ACAN: variants seen among roughly 807,000 people sequenced by gnomAD.
ACAN encodes aggrecan.
Under a neutral mutation model 169.1 loss-of-function variants are expected in ACAN, and 47 were observed. That is an observed-to-expected ratio of 0.28 (90% CI 0.22 to 0.35). The LOEUF is 0.35. ACAN is among the 10% of genes least tolerant of loss of function. ACAN has a pLI of 1.00. For missense variants in ACAN, 2,716 were observed against 2,759.9 expected, an observed-to-expected ratio of 0.98 and a Z score of 0.36; for synonymous variants, 1,115 against 1,112.2, an observed-to-expected ratio of 1.00 and a Z score of -0.05.
At chr15:88,853,663 T>G (rs918494321) in intron 11 of ACAN, among the ~76,000 whole-genome samples, 4 of 152,020 alleles carry the variant, frequency 2.6e-5, no homozygotes, top group Non-Finnish European at 4.4e-5. Flanking sequence ...AAATGTAAAT[T>G]TATTGAAGAG....
chr15:88,835,235 A>C (rs1241145373), intron 1 of ACAN, among the ~76,000 whole-genome samples: 1 of 152,138 alleles, frequency 6.6e-6, no homozygotes, highest in African/African-American at 2.4e-5. Context: ...ATTCTAAAAC[A>C]CACGTGATCT....
At chr15:88,811,220 C>T (rs1895812937) in intron 1 of ACAN, among the ~76,000 whole-genome samples, 1 of 152,216 alleles carries the variant, frequency 6.6e-6, no homozygotes, top group Non-Finnish European at 1.5e-5. Context: ...CCCTGCAGGG[C>T]TTCTCAAAAT....
In ACAN at chr15:88,858,243, G is replaced by A. The variant is rs1398880481; in HGVS notation, c.5658G>A (p.Gly1886=). ...GQFSGTVDSS[G]FTSQTPEFSG... ...TTTCTGGAACAGTCGATTCCAGTGG[G>A]TTTACATCCCAGACTCCGGAATTCA... The change falls in exon 12 of 19, where the codon GGG becomes GGA. Residue 1886 remains glycine, a synonymous_variant. Transcript: ENST00000560601. This position sits in a 1 kb window ranked among gnomAD's most constrained non-coding sequence, Gnocchi z 4.0. The A allele has an allele frequency of 1.2e-6, 2 of 1,613,848 alleles. No individual in the cohort carries two copies. The highest frequency in any genetic ancestry group is 2.7e-5 in the African/African-American group (2 of 74,928).
chr15:88,860,141 G>A (rs1261552176), intron 12 of ACAN, among the ~76,000 whole-genome samples, 185 bp from the exon 13 acceptor site: 2 of 136,982 alleles, frequency 1.5e-5, no homozygotes, highest in Non-Finnish European at 1.5e-5. Context: ...AGCTTTCACA[G>A]CTAGAGAGCT....
rs1353713366 is a variant in ACAN at position 88,856,942 on chromosome 15, T to C, written c.4357T>C (p.Ser1453Pro). ...AGTAGAGGAGATCAGCGGGCTTCCT[T>C]CTGGAGAAGTTCTAGAGACTTCTAC... is the stretch of plus-strand genomic sequence containing the variant. ...PGVEEISGLP[S>P]GEVLETSTSA... Residue 1453 changes from serine (S) to proline (P), a missense_variant, in exon 12 of 19, where the codon TCT becomes CCT. Coordinates refer to ENST00000560601, the MANE Select transcript of ACAN (RefSeq NM_001369268.1). 2 of 1,613,084 alleles carry C rather than the reference T, an allele frequency of 1.2e-6. No individual in the cohort carries two copies. Among genetic ancestry groups the C allele is most frequent in the African/African-American group, 2.7e-5 (2 of 74,714 alleles).
At chr15:88,829,976 A>G (rs12916173) in intron 1 of ACAN, among the ~76,000 whole-genome samples, 94,224 of 151,762 alleles carry the variant, frequency 0.62, 29,586 homozygotes, top group Middle Eastern at 0.73. Flanking sequence ...CAGTGTGTAG[A>G]AAGTCATAGC....
In ACAN at chr15:88,838,792, C is replaced by T. The variant is rs969717268; in HGVS notation, c.200C>T (p.Ala67Val). The change falls in exon 3 of 19, where the codon GCC becomes GTC. Residue 67 changes from alanine to valine, a missense_variant. Ala to Val is a moderately conservative substitution (Grantham distance 64). Coordinates refer to ENST00000560601, the MANE Select transcript of ACAN (RefSeq NM_001369268.1). The surrounding 1 kb of genome is among the most constrained non-coding windows in gnomAD (Gnocchi z 5.1). ...CCTGTGACCACCGCCCCTTCTACCG[C>T]CCCACTGGCCCCAAGAATCAAGTGG... The part of the protein sequence containing the change: ...MHPVTTAPST[A>V]PLAPRIKWSR... 2 of 1,614,044 alleles carry T rather than the reference C, an allele frequency of 1.2e-6. No homozygotes were observed. The highest frequency in any genetic ancestry group is 1.7e-6 in the Non-Finnish European group (2 of 1,179,906).
At chr15:88,840,385 C>T (rs764992606) in intron 4 of ACAN, among the ~76,000 whole-genome samples, 199 bp downstream of exon 4, 7 of 152,190 alleles carry the variant, frequency 4.6e-5, no homozygotes, top group South Asian at 4.1e-4. Context: ...TTGTGATTCT[C>T]TCTTGCAAAT....
Position 88,857,402 on chromosome 15 carries a change from T to C in ACAN, c.4817T>C (p.Leu1606Ser). 1 of 1,613,944 alleles carries C rather than the reference T, an allele frequency of 6.2e-7. No homozygotes were observed. The highest frequency in any genetic ancestry group is 8.5e-7 in the Non-Finnish European group (1 of 1,179,904). ...GGGTCAGCTTCTGGAGACTTGGACT[T>C]GGGCAAACTGCCTTCTGGAACTCTA... ...LVGSASGDLDLGKLPSGTLGS... is the reference protein window; with the variant it reads ...LVGSASGDLDSGKLPSGTLGS... The change falls in exon 12 of 19, where the codon TTG becomes TCG. Residue 1606 changes from leucine to serine, a missense_variant. Transcript: ENST00000560601.
chr15:88,840,526 T>C (rs1896625670), intron 4 of ACAN, among the ~76,000 whole-genome samples: 1 of 152,206 alleles, frequency 6.6e-6, no homozygotes, highest in African/African-American at 2.4e-5. Flanking sequence ...TTCCATCCTT[T>C]TTGTTTTTAA....
chr15:88,860,726 T>C (rs1897178051), intron 13 of ACAN, among the ~76,000 whole-genome samples: 1 of 152,224 alleles, frequency 6.6e-6, no homozygotes, highest in Non-Finnish European at 1.5e-5. Flanking sequence ...GCTTGAATTT[T>C]GGAGATGAGA....
At chr15:88,865,873 C>T (rs755456176) in intron 13 of ACAN, among the ~76,000 whole-genome samples, 10 of 152,194 alleles carry the variant, frequency 6.6e-5, no homozygotes, top group Non-Finnish European at 1.2e-4. Context: ...AGCCCCACAC[C>T]GGACACCTGG....
At chr15:88,867,708 C>A (rs1322056311) in intron 13 of ACAN, among the ~76,000 whole-genome samples, 1 of 152,198 alleles carries the variant, frequency 6.6e-6, no homozygotes, top group Non-Finnish European at 1.5e-5. Flanking sequence ...CGAGGTCATT[C>A]ATTCTAGCCC....
intron 1 of ACAN, among the ~76,000 whole-genome samples, chr15:88,820,170 T>G (rs1162710353): frequency 6.6e-6 from 1 of 152,108 alleles, no homozygotes; most frequent in East Asian, 1.9e-4. Flanking sequence ...AGGACGTAGT[T>G]GTGATAGGTG....
At chr15:88,834,478 C>T (rs869431) in intron 1 of ACAN, among the ~76,000 whole-genome samples, 104,534 of 152,052 alleles carry the variant, frequency 0.69, 36,429 homozygotes, top group African/African-American at 0.79. Flanking sequence ...TCCATCCAGC[C>T]CCAGCCGGCG....
rs1396440388 is a variant in ACAN at position 88,843,596 on chromosome 15, C to T, written c.999C>T (p.Asn333=). ...TGAGGACCGTCTACGTGCATGCCAA[C>T]CAGACGGGCTACCCCGACCCCTCAT... ...LGVRTVYVHA[N]QTGYPDPSSR... is the part of the protein sequence containing the mutation. The change falls in exon 6 of 19, where the codon AAC becomes AAT. Residue 333 remains asparagine (N), a synonymous_variant. Coordinates refer to ENST00000560601, the MANE Select transcript of ACAN (RefSeq NM_001369268.1). The surrounding 1 kb of genome is among the most constrained non-coding windows in gnomAD (Gnocchi z 4.0). The T allele has an allele frequency of 6.2e-6, 10 of 1,603,894 alleles. No homozygotes were observed. In the South Asian group the frequency reaches 9.9e-5, roughly 16 times the overall value.
intron 1 of ACAN, among the ~76,000 whole-genome samples, chr15:88,816,445 G>A (rs1567164980): frequency 6.6e-6 from 1 of 152,230 alleles, no homozygotes; most frequent in Non-Finnish European, 1.5e-5. Flanking sequence ...TGGGCAGGTT[G>A]AGTAGAAAGT....
At position 88,874,698 on chromosome 15, in the gene ACAN, G is replaced by C; in HGVS notation, c.*217G>C. 1.5e-6 allele frequency: 1 copy of C among 650,162 alleles called. No individual in the cohort carries two copies. The highest frequency in any genetic ancestry group is 2.8e-6 in the Non-Finnish European group (1 of 355,296). The allele number at this position is 650,162 out of a possible 1,614,324, so 40.3% of individuals were successfully genotyped here. On this transcript the variant is annotated 3_prime_UTR_variant, in exon 19 of 19. Coordinates refer to ENST00000560601, the MANE Select transcript of ACAN (RefSeq NM_001369268.1). This position sits in a 1 kb window ranked among gnomAD's most constrained non-coding sequence, Gnocchi z 7.3. Reference sequence around the variant, plus strand: ...TTTGTCCGCCGAATGCCAAAGCAAAGCAAACTTATTATAACCCTTGGACTG... The same window carrying C: ...TTTGTCCGCCGAATGCCAAAGCAAACCAAACTTATTATAACCCTTGGACTG...
At position 88,858,638 on chromosome 15, in the gene ACAN, C is replaced by G. The variant is rs375734624; in HGVS notation, c.6053C>G (p.Ser2018Cys). The change falls in exon 12 of 19, where the codon TCC becomes TGC. Residue 2018 changes from serine to cysteine, a missense_variant. By Grantham distance (112) the Ser-to-Cys change is moderately radical (BLOSUM62 -1). Coordinates refer to ENST00000560601, the MANE Select transcript of ACAN (RefSeq NM_001369268.1). The surrounding 1 kb of genome is among the most constrained non-coding windows in gnomAD (Gnocchi z 4.0). ...AGCACCACCAATGTAAGTGGAGAAT[C>G]CTCTGTAGCCATGGGCACCAGTGGA... ...FASTTNVSGE[S>C]SVAMGTSGEA... The G allele has an allele frequency of 6.2e-7, 1 of 1,613,958 alleles. No individual in the cohort carries two copies.
Sources: allele counts gnomAD v4.1 joint callset (sites outside exome capture counted in the v4.1 genomes callset), GRCh38; gene constraint gnomAD v4.1.1; non-coding constraint Gnocchi (gnomAD v3.1); transcripts MANE v1.5; gene names NCBI Gene and HGNC (gene_info 2026-07-23, HGNC 2026-07-21).